SGCD: variants seen among roughly 807,000 people sequenced by gnomAD.
The protein encoded by SGCD is delta-sarcoglycan.
In SGCD, 18 loss-of-function variants were observed where a neutral mutation model predicts 36.6. The ratio of observed to expected loss-of-function variants is 0.49; its 90% CI spans 0.34 to 0.73. The LOEUF (loss-of-function observed/expected upper bound fraction) is 0.73. Ranked by LOEUF, SGCD falls within the 30% of genes least tolerant of loss-of-function variation. SGCD has a pLI of 0.01. For synonymous variants in SGCD, 133 were observed against 130.6 expected (o/e 1.02, Z -0.12); for missense variants, 387 against 346.7 (o/e 1.12, Z -0.92).
chr5:155,924,862 C>T (rs1201741494), intron 1 of SGCD, among the ~76,000 whole-genome samples: 2 of 152,118 alleles, frequency 1.3e-5, no homozygotes, highest in Non-Finnish European at 2.9e-5. Context: ...TTGTAAAATG[C>T]TGTTTGTGTC....
intron 1 of SGCD, among the ~76,000 whole-genome samples, chr5:155,907,464 A>C (rs1756542931): frequency 6.6e-6 from 1 of 152,142 alleles, no homozygotes; most frequent in South Asian, 2.1e-4. Context: ...ATAAATTAAA[A>C]ACCTTCTGGA....
chr5:156,403,738 A>C (rs1772273381), intron 3 of SGCD, among the ~76,000 whole-genome samples: 1 of 152,174 alleles, frequency 6.6e-6, no homozygotes, highest in Non-Finnish European at 1.5e-5. Context: ...CAGCCTTTGC[A>C]GTTAAACATC....
At chr5:156,630,901 G>T (rs186550188) in intron 6 of SGCD, among the ~76,000 whole-genome samples, 1 of 152,206 alleles carries the variant, frequency 6.6e-6, no homozygotes, top group Admixed American at 6.5e-5. Flanking sequence ...TAGAACCTAG[G>T]TGAGTGCCTA....
intron 3 of SGCD, among the ~76,000 whole-genome samples, chr5:156,440,958 C>T (rs979766204): frequency 1.3e-5 from 2 of 151,954 alleles, no homozygotes; most frequent in African/African-American, 4.8e-5. Context: ...TAAATTTTGG[C>T]CAAGTAAAAT....
Position 156,760,561 on chromosome 5 carries a change from C to A in SGCD, c.*1171C>A, listed in dbSNP as rs528794571. The A allele has an allele frequency of 6.6e-6, 1 of 152,554 alleles. No individual in the cohort carries two copies. Among genetic ancestry groups the A allele is most frequent in the Non-Finnish European group, 1.5e-5 (1 of 68,034 alleles). The allele number at this position is 152,554 out of a possible 1,614,324, so 9.5% of individuals were successfully genotyped here. A position where few individuals can be genotyped will look rare whatever the true frequency, so the allele number is the denominator to read the frequency against. On this transcript the variant is annotated 3_prime_UTR_variant, in exon 9 of 9. Transcript: ENST00000337851. ...TTCTCTAAGAAGCACTACATGCCAC[C>A]AGAATTGTGCACTGAAAGATAATAC...
intron 3 of SGCD, among the ~76,000 whole-genome samples, chr5:156,273,621 A>C (rs1245676693): frequency 6.6e-6 from 1 of 152,188 alleles, no homozygotes; most frequent in African/African-American, 2.4e-5. Context: ...AGAAGAAAAG[A>C]ATTTTTAGCA....
At chr5:156,073,375 T>C (rs1451922651) in intron 1 of SGCD, among the ~76,000 whole-genome samples, 2 of 152,042 alleles carry the variant, frequency 1.3e-5, no homozygotes, top group African/African-American at 4.8e-5. Context: ...CTGGGCAACA[T>C]AGTGAGACCT....
At chr5:156,112,691 C>A (rs1356173589) in intron 1 of SGCD, among the ~76,000 whole-genome samples, 1 of 152,004 alleles carries the variant, frequency 6.6e-6, no homozygotes, top group Non-Finnish European at 1.5e-5. Context: ...GAAACTGAGG[C>A]CAGGTAAATA....
chr5:156,698,069 T>G (rs1221689057), intron 7 of SGCD, among the ~76,000 whole-genome samples: 1 of 152,186 alleles, frequency 6.6e-6, no homozygotes, highest in Non-Finnish European at 1.5e-5. Context: ...ATAATTGACC[T>G]AGCTCTGCTG....
At chr5:156,314,413 A>G (rs1205691346) in intron 3 of SGCD, among the ~76,000 whole-genome samples, 2 of 152,098 alleles carry the variant, frequency 1.3e-5, no homozygotes, top group African/African-American at 4.8e-5. Context: ...AAAATTAACT[A>G]TAATATAGAC....
At chr5:156,584,542 G>C (rs564398124) in intron 4 of SGCD, among the ~76,000 whole-genome samples, 2 of 152,148 alleles carry the variant, frequency 1.3e-5, no homozygotes, top group Admixed American at 1.3e-4. Flanking sequence ...CCACATGCCA[G>C]ATGAGTGCTA....
At chr5:156,136,748 T>C (rs185734096) in intron 3 of SGCD, among the ~76,000 whole-genome samples, 1 of 152,322 alleles carries the variant, frequency 6.6e-6, no homozygotes, top group East Asian at 1.9e-4. Flanking sequence ...AAATCATTGA[T>C]ATCTGAGATT....
chr5:156,288,091 T>C (rs756552801), intron 3 of SGCD, among the ~76,000 whole-genome samples: 2 of 152,162 alleles, frequency 1.3e-5, no homozygotes, highest in Non-Finnish European at 2.9e-5. Flanking sequence ...TTGAGACTTA[T>C]CATGTTCTTC....
chr5:155,812,467 TCA>T, the SGCD span, among the ~76,000 whole-genome samples: 1 of 152,198 alleles, frequency 6.6e-6, no homozygotes, highest in African/African-American at 2.4e-5. Flanking sequence ...CAGGAGCATT[TCA>T]TCTTTTATTC....
At chr5:156,013,197 G>A (rs1276148991) in intron 1 of SGCD, among the ~76,000 whole-genome samples, 4 of 151,666 alleles carry the variant, frequency 2.6e-5, no homozygotes, top group Non-Finnish European at 4.4e-5. Context: ...GCTAATTTTT[G>A]TATTTTTAGT....
intron 3 of SGCD, among the ~76,000 whole-genome samples, chr5:156,249,698 T>C (rs1765527195): frequency 6.8e-6 from 1 of 147,564 alleles, no homozygotes; most frequent in Non-Finnish European, 1.5e-5. Context: ...GATAAAACAA[T>C]TACTTCATAA....
intron 1 of SGCD, among the ~76,000 whole-genome samples, chr5:156,067,776 G>A (rs1281223770): frequency 1.5e-5 from 2 of 136,056 alleles, no homozygotes; most frequent in Non-Finnish European, 3.0e-5. Flanking sequence ...CCCAGGTGAG[G>A]CAATGCCTCG....
chr5:156,506,535 G>T (rs1179477322), intron 3 of SGCD, among the ~76,000 whole-genome samples: 2 of 152,094 alleles, frequency 1.3e-5, no homozygotes, highest in African/African-American at 4.8e-5. Flanking sequence ...CCTGGGGAAG[G>T]ACTGTAGGAT....
chr5:155,852,169 A>G, the SGCD span, among the ~76,000 whole-genome samples: 1 of 152,230 alleles, frequency 6.6e-6, no homozygotes, highest in Non-Finnish European at 1.5e-5. Flanking sequence ...CTGAAGTTAG[A>G]GAACAATGTC....
Sources: allele counts gnomAD v4.1 joint callset (sites outside exome capture counted in the v4.1 genomes callset), GRCh38; gene constraint gnomAD v4.1.1; transcripts MANE v1.5; gene names NCBI Gene and HGNC (gene_info 2026-07-23, HGNC 2026-07-21).